Variants in PPP1R12B observed in about 807,000 individuals in gnomAD.
PPP1R12B encodes the protein protein phosphatase 1 regulatory subunit 12B.
A neutral mutation model predicts 126.1 loss-of-function variants in PPP1R12B; 76 were observed. That is an observed-to-expected ratio of 0.60 (90% CI 0.50 to 0.73). PPP1R12B has a LOEUF of 0.73. Among genes scored for constraint, PPP1R12B ranks in the 30% least tolerant of loss-of-function variants. The pLI is 0.00. For missense variants in PPP1R12B, 1,052 were observed against 1,205.1 expected, an observed-to-expected ratio of 0.87 and a Z score of 1.88; for synonymous variants, 356 against 434.7, an observed-to-expected ratio of 0.82 and a Z score of 2.25.
Position 202,493,290 on chromosome 1 carries a change from GCC to G in PPP1R12B, c.2120_2121del (p.Pro707LeufsTer7), listed in dbSNP as rs1679131128. The part of the protein sequence containing the change: ...PATEAGEGQQ[P>X]WGRSLDEEPI... ...CAACAGAAGCTGGGGAGGGCCAGCAGCCCTGGGGCAGGAGTCTGGATGAAGAG... is the reference window on the plus strand; with the variant it reads ...CAACAGAAGCTGGGGAGGGCCAGCAGCTGGGGCAGGAGTCTGGATGAAGAG... On this transcript the variant is annotated frameshift_variant, in exon 15 of 24. Transcript: ENST00000608999. LOFTEE classifies it high-confidence loss of function. 6.2e-7 allele frequency: 1 copy of G among 1,612,404 alleles called. No homozygotes were observed. Among genetic ancestry groups the G allele is most frequent in the Non-Finnish European group, 8.5e-7 (1 of 1,179,798 alleles).
chr1:202,558,792 G>A, intron 18 of PPP1R12B, 85 bp from the exon 19 acceptor site: 2 of 886,608 alleles, frequency 2.3e-6, no homozygotes, highest in Non-Finnish European at 3.6e-6. Flanking sequence ...ATTTATAGAT[G>A]GAAATAATAC....
intron 1 of PPP1R12B, among the ~76,000 whole-genome samples, chr1:202,356,244 A>AG (rs1408661987): frequency 6.6e-6 from 1 of 152,164 alleles, no homozygotes; most frequent in Non-Finnish European, 1.5e-5. Flanking sequence ...ACTCAAGGCT[A>AG]GTCACTTTCC....
chr1:202,529,178 C>T (rs2148934222), intron 18 of PPP1R12B, among the ~76,000 whole-genome samples: 1 of 151,850 alleles, frequency 6.6e-6, no homozygotes, highest in Admixed American at 6.6e-5. Context: ...ACGTAGACAA[C>T]TAATAAATGA....
At chr1:202,536,639 TA>T (rs1438832547) in intron 18 of PPP1R12B, among the ~76,000 whole-genome samples, 1 of 152,246 alleles carries the variant, frequency 6.6e-6, no homozygotes, top group Non-Finnish European at 1.5e-5. Flanking sequence ...CTTAGCTTAC[TA>T]TAATTTTTTT....
At chr1:202,502,353 T>G (rs1680325281) in intron 18 of PPP1R12B, 1 of 985,146 alleles carries the variant, frequency 1.0e-6, no homozygotes. Context: ...TCAAACTACA[T>G]GAAAGAACAC....
At chr1:202,494,687 C>G (rs1679317774) in intron 15 of PPP1R12B, among the ~76,000 whole-genome samples, 1 of 147,766 alleles carries the variant, frequency 6.8e-6, no homozygotes. Context: ...GCCTGGGCAA[C>G]AGAGCAAGAC....
chr1:202,365,356 T>C (rs1174516803), intron 1 of PPP1R12B, among the ~76,000 whole-genome samples: 1 of 151,948 alleles, frequency 6.6e-6, no homozygotes, highest in Non-Finnish European at 1.5e-5. Flanking sequence ...GCAGGAAGAT[T>C]GCTTGTGCCA....
In PPP1R12B at chr1:202,589,815, G is replaced by A. The variant is rs1475104208; in HGVS notation, c.*9255G>A. On this transcript the variant is annotated 3_prime_UTR_variant, in exon 24 of 24. Coordinates refer to ENST00000608999, the MANE Select transcript of PPP1R12B (RefSeq NM_002481.4). ...AAGGATCTGGGCTCATGCTCCCTCAGGTGGGCAGCTCCCATCCCTGCTTGC... is the reference window on the plus strand; with the variant it reads ...AAGGATCTGGGCTCATGCTCCCTCAAGTGGGCAGCTCCCATCCCTGCTTGC... 6.6e-6 allele frequency: 1 copy of A among 152,292 alleles called. No homozygotes were observed. The highest frequency in any genetic ancestry group is 1.5e-5 in the Non-Finnish European group (1 of 68,116). 9.4% of individuals were successfully genotyped at this position (152,292 alleles called of 1,614,324 possible).
At chr1:202,499,110 A>G (rs1038444869) in intron 18 of PPP1R12B, among the ~76,000 whole-genome samples, 2 of 152,116 alleles carry the variant, frequency 1.3e-5, no homozygotes, top group African/African-American at 4.8e-5. Flanking sequence ...CCAAATCAAG[A>G]TATAGAACTT....
intron 9 of PPP1R12B, 79 bp downstream of exon 9, chr1:202,434,847 C>A: frequency 1.3e-6 from 2 of 1,564,458 alleles, no homozygotes; most frequent in Non-Finnish European, 1.7e-6. Context: ...CTTAAAGGTA[C>A]ATTCTTGCAA....
rs150676806 is a variant in PPP1R12B at position 202,383,648 on chromosome 1, C to T, written c.292-33139C>T. On this transcript the variant is annotated intron_variant, in intron 1 of 23. Transcript: ENST00000608999. ...CTGAGGCACAAGGATTGCTTGAACC[C>T]AGGAGGTGGAGGTTGCAGTGAGCCA... is the stretch of plus-strand genomic sequence containing the variant. 1.1e-3 allele frequency among the ~76,000 whole-genome samples: 161 copies of T among 152,152 alleles called. No homozygotes were observed. In the East Asian group the frequency reaches 0.031, roughly 29 times the overall value.
intron 18 of PPP1R12B, among the ~76,000 whole-genome samples, chr1:202,533,466 T>TTTTTG (rs546207929): frequency 1.2e-3 from 182 of 152,158 alleles, no homozygotes; most frequent in African/African-American, 3.4e-3. Flanking sequence ...ATTTTGGGTT[T>TTTTTG]TTTTGTTTTG....
At chr1:202,382,119 T>C (rs545716493) in intron 1 of PPP1R12B, among the ~76,000 whole-genome samples, 1 of 152,244 alleles carries the variant, frequency 6.6e-6, no homozygotes, top group African/African-American at 2.4e-5. Flanking sequence ...TCATGTCCTT[T>C]GTAGGGACAT....
At position 202,401,361 on chromosome 1, in the gene PPP1R12B, A is replaced by ATTTTTTTTTTTT. The variant is rs34810265; in HGVS notation, c.292-15408_292-15397dup. Among the ~76,000 whole-genome samples, 23 of 71,446 alleles carry ATTTTTTTTTTTT rather than the reference A, an allele frequency of 3.2e-4. 1 individual carries two copies. Among genetic ancestry groups the ATTTTTTTTTTTT allele is most frequent in the Non-Finnish European group, 4.7e-4 (19 of 40,552 alleles). The allele number at this position is 71,446 out of a possible 152,430, so 46.9% of individuals were successfully genotyped here. A position where few individuals can be genotyped will look rare whatever the true frequency, so the allele number is the denominator to read the frequency against. ...TCCACCACCATGGCTGGCTAATTTA[A>ATTTTTTTTTTTT]TTTTTTTTTTTTTTTTTTTTTTTTT... On this transcript the variant is annotated intron_variant, in intron 1 of 23. Transcript: ENST00000608999.
chr1:202,507,198 G>A (rs1263315775), intron 18 of PPP1R12B, among the ~76,000 whole-genome samples: 1 of 152,172 alleles, frequency 6.6e-6, no homozygotes, highest in Non-Finnish European at 1.5e-5. Context: ...CTTACATAAT[G>A]CGTACATCAT....
chr1:202,440,660 G>A (rs1425372395), intron 10 of PPP1R12B, 46 bp from the exon 11 acceptor site: 1 of 1,385,100 alleles, frequency 7.2e-7, no homozygotes, highest in East Asian at 2.3e-5. Flanking sequence ...TTTATGCTGT[G>A]CCAGTATTGT....
intron 1 of PPP1R12B, among the ~76,000 whole-genome samples, chr1:202,354,086 A>T (rs892273744): frequency 1.3e-5 from 2 of 152,210 alleles, no homozygotes; most frequent in African/African-American, 2.4e-5. Context: ...AAAACTAAGT[A>T]GTTTATTTTT....
rs1689820099 is a variant in PPP1R12B at position 202,586,495 on chromosome 1, T to C, written c.*5935T>C. 6.6e-6 allele frequency: 1 copy of C among 152,234 alleles called. No individual in the cohort carries two copies. The highest frequency in any genetic ancestry group is 6.5e-5 in the Admixed American group (1 of 15,290). The allele number at this position is 152,234 out of a possible 1,614,324, so 9.4% of individuals were successfully genotyped here. A position where few individuals can be genotyped will look rare whatever the true frequency, so the allele number is the denominator to read the frequency against. ...TTTTAATCAGCTTCCTTAATGGGTA[T>C]TGACACTGCTCAGGAAGCAGTAGAC... On this transcript the variant is annotated 3_prime_UTR_variant, in exon 24 of 24. Coordinates refer to ENST00000608999, the MANE Select transcript of PPP1R12B (RefSeq NM_002481.4).
At chr1:202,539,001 G>A (rs1684832749) in intron 18 of PPP1R12B, among the ~76,000 whole-genome samples, 1 of 152,120 alleles carries the variant, frequency 6.6e-6, no homozygotes, top group African/African-American at 2.4e-5. Context: ...GGTCTGTAAT[G>A]GACAGATAAC....
Sources: gnomAD v4.1 joint callset for allele counts (sites outside exome capture counted in the v4.1 genomes callset) on GRCh38, gnomAD v4.1.1 for gene constraint, MANE v1.5 for transcripts, NCBI Gene and HGNC (gene_info 2026-07-23, HGNC 2026-07-21) for gene names.